The following RSRC2 variants were observed in gnomAD, a reference collection of about 807,000 sequenced individuals.
RSRC2 encodes arginine/serine-rich coiled-coil protein 2.
RSRC2 carries 5 observed loss-of-function variants against 61.3 expected under a neutral mutation model. The ratio of observed to expected loss-of-function variants is 0.08; its 90% CI spans 0.04 to 0.17. RSRC2 has a LOEUF of 0.17. Ranked by LOEUF, RSRC2 falls within the 10% of genes least tolerant of loss-of-function variation. The pLI is 1.00. For missense variants in RSRC2, 381 were observed against 518.8 expected (o/e 0.73, Z 2.58); for synonymous variants, 202 against 166.5 (o/e 1.21, Z -1.64).
intron 3 of RSRC2, chr12:122,520,215 T>C (rs1263507752): frequency 1.7e-5 from 4 of 241,872 alleles, no homozygotes; most frequent in African/African-American, 7.0e-5. Flanking sequence ...AAAATGATCA[T>C]AGTACATAAT....
intron 7 of RSRC2, among the ~76,000 whole-genome samples, chr12:122,509,485 C>T (rs1419213840): frequency 5.3e-5 from 8 of 151,448 alleles, no homozygotes; most frequent in African/African-American, 1.9e-4. Flanking sequence ...AAAAAAAACC[C>T]AAAAACAACA....
At chr12:122,506,644 AG>A (rs1958133880) in intron 9 of RSRC2, 189 bp downstream of exon 9, 4 of 542,170 alleles carry the variant, frequency 7.4e-6, no homozygotes, top group Non-Finnish European at 1.3e-5. Context: ...GTGTGTGTGT[AG>A]GGAGGACAGT....
intron 9 of RSRC2, chr12:122,506,618 C>G: frequency 2.2e-6 from 1 of 451,532 alleles, no homozygotes; most frequent in Non-Finnish European, 4.0e-6. Flanking sequence ...AACCCCGTCT[C>G]TCTCTCTCTC....
intron 6 of RSRC2, among the ~76,000 whole-genome samples, chr12:122,512,995 C>T (rs1250821502): frequency 6.6e-6 from 1 of 151,758 alleles, no homozygotes; most frequent in Non-Finnish European, 1.5e-5. Flanking sequence ...CAGTTCGAGA[C>T]CAGCTTGGCC....
intron 1 of RSRC2, among the ~76,000 whole-genome samples, chr12:122,524,140 GC>G (rs1381771565): frequency 6.6e-6 from 1 of 152,144 alleles, no homozygotes; most frequent in Non-Finnish European, 1.5e-5. Flanking sequence ...AGCAACATTA[GC>G]TGACTTGCTT....
At chr12:122,514,081 A>C (rs1199263570) in intron 6 of RSRC2, among the ~76,000 whole-genome samples, 2 of 152,094 alleles carry the variant, frequency 1.3e-5, no homozygotes, top group African/African-American at 4.8e-5. Flanking sequence ...AAACCTAAAA[A>C]GTCTATTTTT....
At chr12:122,509,176 CA>C (rs1196388175) in intron 7 of RSRC2, among the ~76,000 whole-genome samples, 1 of 151,940 alleles carries the variant, frequency 6.6e-6, no homozygotes, top group Non-Finnish European at 1.5e-5. Context: ...AGGCTGGGCG[CA>C]GTGGCTCACG....
intron 7 of RSRC2, among the ~76,000 whole-genome samples, chr12:122,509,170 T>C (rs368525937): frequency 1.3e-5 from 2 of 150,524 alleles, no homozygotes; most frequent in Non-Finnish European, 3.0e-5. Context: ...CAGCTAAGGC[T>C]GGGCGCAGTG....
At chr12:122,505,756 TTC>T (rs200183668) in intron 9 of RSRC2, 50 bp from the exon 10 acceptor site, 1 of 1,475,732 alleles carries the variant, frequency 6.8e-7, no homozygotes, top group Non-Finnish European at 9.3e-7. Flanking sequence ...GAGATAAATA[TTC>T]TCTCACTTGA....
At chr12:122,522,412 A>AAT in intron 1 of RSRC2, 113 bp from the exon 2 acceptor site, 1 of 1,008,476 alleles carries the variant, frequency 9.9e-7, no homozygotes, top group East Asian at 2.7e-5. Flanking sequence ...AATAAATCAG[A>AAT]ATGCCTGCTT....
intron 6 of RSRC2, among the ~76,000 whole-genome samples, chr12:122,512,818 A>G (rs1174377208): frequency 6.6e-6 from 1 of 152,162 alleles, no homozygotes; most frequent in Non-Finnish European, 1.5e-5. Context: ...CCTTTTATGA[A>G]GCACATATGC....
At position 122,505,488 on chromosome 12, in the gene RSRC2, G is replaced by A. The variant is rs1161110290; in HGVS notation, c.*39C>T. The A allele has an allele frequency of 6.3e-7, 1 of 1,585,338 alleles. No individual in the cohort carries two copies. Among genetic ancestry groups the A allele is most frequent in the African/African-American group, 1.3e-5 (1 of 74,166 alleles). ...GAACAAGGACGTGACATCAGAACAAGAAGTCTATAAGTCCCAAACTTTACA... is the reference window on the plus strand; with the variant it reads ...GAACAAGGACGTGACATCAGAACAAAAAGTCTATAAGTCCCAAACTTTACA... On this transcript the variant is annotated 3_prime_UTR_variant, in exon 10 of 10. Transcript: ENST00000331738.
chr12:122,507,013 A>C (rs1311781335), intron 8 of RSRC2, 90 bp from the exon 9 acceptor site: 1 of 727,578 alleles, frequency 1.4e-6, no homozygotes, highest in South Asian at 1.6e-5. Context: ...TTAAAAAAAA[A>C]AACACCATGG....
chr12:122,506,974 G>T, intron 8 of RSRC2, 51 bp from the exon 9 acceptor site: 1 of 1,036,634 alleles, frequency 9.6e-7, no homozygotes, highest in South Asian at 1.4e-5. Context: ...ATATTTTTTA[G>T]GACATGAAAT....
At position 122,503,645 on chromosome 12, in the gene RSRC2, ATGT is replaced by A. The variant is rs1241281538; in HGVS notation, c.*1879_*1881del. 1 of 152,186 alleles carries A rather than the reference ATGT, an allele frequency of 6.6e-6. No individual in the cohort carries two copies. Among genetic ancestry groups the A allele is most frequent in the Non-Finnish European group, 1.5e-5 (1 of 68,028 alleles). 9.4% of individuals were successfully genotyped at this position (152,186 alleles called of 1,614,324 possible). A position where few individuals can be genotyped will look rare whatever the true frequency, so the allele number is the denominator to read the frequency against. On this transcript the variant is annotated 3_prime_UTR_variant, in exon 10 of 10. Transcript: ENST00000331738. ...TAAAAAGGCAGAGCTTAATTGAAAAATGTTGATGATCACGAAATGAAGGATCCA... is the reference window on the plus strand; with the variant it reads ...TAAAAAGGCAGAGCTTAATTGAAAAATGATGATCACGAAATGAAGGATCCA...
Position 122,511,194 on chromosome 12 carries a change from AAATT to A in RSRC2, c.726-10_726-7del, listed in dbSNP as rs766730321. 5 of 1,596,566 alleles carry A rather than the reference AAATT, an allele frequency of 3.1e-6. No individual in the cohort carries two copies. The highest frequency in any genetic ancestry group is 4.3e-6 in the Non-Finnish European group (5 of 1,170,224). On this transcript the variant is annotated splice_polypyrimidine_tract_variant and splice_region_variant and intron_variant, in intron 6 of 9. Transcript: ENST00000331738. Reference sequence around the variant, plus strand: ...ATTTCTTTGCCCTTTCCAACCTGCAAAATTAATTTCAATGAATTTAAAATAACAC... The same window carrying A: ...ATTTCTTTGCCCTTTCCAACCTGCAAAATTTCAATGAATTTAAAATAACAC...
chr12:122,512,952 G>C (rs1398244855), intron 6 of RSRC2, among the ~76,000 whole-genome samples: 1 of 152,036 alleles, frequency 6.6e-6, no homozygotes, highest in African/African-American at 2.4e-5. Context: ...TAGCACTTTG[G>C]GAGGCCAAGG....
intron 8 of RSRC2, chr12:122,508,017 T>A (rs1958239971): frequency 1.6e-6 from 1 of 621,288 alleles, no homozygotes; most frequent in Non-Finnish European, 2.9e-6. Flanking sequence ...TTGGCCAGGC[T>A]GGTCTTGGAC....
intron 3 of RSRC2, chr12:122,520,958 A>G (rs991160975): frequency 1.1e-4 from 24 of 215,050 alleles, no homozygotes; most frequent in African/African-American, 4.9e-4. Context: ...CTAGTTTGCA[A>G]AAGAAAAGAG....
Sources: gnomAD v4.1 joint callset for allele counts (sites outside exome capture counted in the v4.1 genomes callset) on GRCh38, gnomAD v4.1.1 for gene constraint, MANE v1.5 for transcripts, NCBI Gene and HGNC (gene_info 2026-07-23, HGNC 2026-07-21) for gene names.